GABRG3: variants seen among roughly 807,000 people sequenced by gnomAD.
The protein encoded by GABRG3 is gamma-aminobutyric acid receptor subunit gamma-3.
In GABRG3, 25 loss-of-function variants were observed where a neutral mutation model predicts 48.8. The ratio of observed to expected loss-of-function variants is 0.51; its 90% confidence interval spans 0.37 to 0.72. The LOEUF is 0.72. GABRG3 is among the 30% of genes least tolerant of loss of function. GABRG3 has a pLI of 0.00. For missense variants in GABRG3, 394 were observed against 577.9 expected, an observed-to-expected ratio of 0.68 and a Z score of 3.26; for synonymous variants, 227 against 217.6, an observed-to-expected ratio of 1.04 and a Z score of -0.38.
At chr15:27,306,487 T>C (rs1443055442) in intron 3 of GABRG3, among the ~76,000 whole-genome samples, 1 of 139,864 alleles carries the variant, frequency 7.1e-6, no homozygotes, top group African/African-American at 2.6e-5. Flanking sequence ...TAAACATATA[T>C]ATAATATAAA....
chr15:27,428,219 C>T (rs1888349127), intron 5 of GABRG3: 1 of 152,074 alleles, frequency 6.6e-6, no homozygotes, highest in Admixed American at 6.6e-5. Context: ...AGCAAATAAC[C>T]CCTTAAAATG....
At chr15:27,387,581 C>T (rs191850109) in intron 5 of GABRG3, among the ~76,000 whole-genome samples, 143 of 152,006 alleles carry the variant, frequency 9.4e-4, no homozygotes, top group African/African-American at 3.2e-3. Context: ...GGACTTGATA[C>T]ACATGTGTGA....
rs2140627801 is a variant in GABRG3 at position 26,971,193 on chromosome 15, C to G, written c.-343C>G. Reference sequence around the variant, plus strand: ...CCCCCACCTCCCAGCACAGCGCACACAGCCCCGGCCTGGGCACCCGCGCCC... The same window carrying G: ...CCCCCACCTCCCAGCACAGCGCACAGAGCCCCGGCCTGGGCACCCGCGCCC... On this transcript the variant is annotated 5_prime_UTR_variant, in exon 1 of 10. Coordinates refer to ENST00000615808, the MANE Select transcript of GABRG3 (RefSeq NM_033223.5). The G allele has an allele frequency of 6.6e-6, 1 of 151,880 alleles. No individual in the cohort carries two copies. The highest frequency in any genetic ancestry group is 2.4e-5 in the African/African-American group (1 of 41,526). 9.4% of individuals were successfully genotyped at this position (151,880 alleles called of 1,614,324 possible). A position where few individuals can be genotyped will look rare whatever the true frequency, so the allele number is the denominator to read the frequency against.
chr15:27,541,926 TG>T lies in GABRG3; in HGVS notation c.*9046del, dbSNP rs1891667700. 1 of 152,258 alleles carries T rather than the reference TG, an allele frequency of 6.6e-6. No homozygotes were observed. Among genetic ancestry groups the T allele is most frequent in the Non-Finnish European group, 1.5e-5 (1 of 68,048 alleles). 9.4% of individuals were successfully genotyped at this position (152,258 alleles called of 1,614,324 possible). The stretch of plus-strand genomic sequence containing the variant: ...TCGTGGCTGGGCCGCCCTCTGTATT[TG>T]TATTTGGATTCCTACGTTTGTACTT... On this transcript the variant is annotated 3_prime_UTR_variant, in exon 10 of 10. Coordinates refer to ENST00000615808, the MANE Select transcript of GABRG3 (RefSeq NM_033223.5).
At position 27,275,217 on chromosome 15, in the gene GABRG3, A is replaced by G. The variant is rs376727746; in HGVS notation, c.271-51592A>G. ...CAAATGTTAAGTAGATTTGCAGTCT[A>G]TGCATTTTAAAAGTCCCCAGGTTGT... On this transcript the variant is annotated intron_variant, in intron 3 of 9. Coordinates refer to ENST00000615808, the MANE Select transcript of GABRG3 (RefSeq NM_033223.5). Among the ~76,000 whole-genome samples the G allele has an allele frequency of 1.8e-4, 27 of 152,348 alleles. No individual in the cohort carries two copies. The South Asian group carries it at 5.4e-3, about 30-fold the overall frequency.
At chr15:27,150,141 G>GAAT (rs1243533851) in intron 3 of GABRG3, among the ~76,000 whole-genome samples, 1 of 152,098 alleles carries the variant, frequency 6.6e-6, no homozygotes, top group African/African-American at 2.4e-5. Flanking sequence ...TTTCTTTTGG[G>GAAT]AATAGGAAGG....
intron 3 of GABRG3, among the ~76,000 whole-genome samples, chr15:27,127,302 A>G (rs1897837949): frequency 6.6e-6 from 1 of 152,182 alleles, no homozygotes; most frequent in African/African-American, 2.4e-5. Flanking sequence ...GTGCTATAAT[A>G]TGCATGAACC....
At chr15:27,480,580 A>G in intron 5 of GABRG3, 70 bp from the exon 6 acceptor site, 1 of 1,369,536 alleles carries the variant, frequency 7.3e-7, no homozygotes, top group Non-Finnish European at 1.0e-6. Context: ...ATTGATCAGA[A>G]TTATAATTTT....
At chr15:27,480,823 G>A (rs1464847912) in intron 6 of GABRG3, 36 bp downstream of exon 6, 3 of 1,610,046 alleles carry the variant, frequency 1.9e-6, no homozygotes, top group South Asian at 2.2e-5. Context: ...GCTCTCAAAA[G>A]CCAGAGAGGC....
At position 27,147,502 on chromosome 15, in the gene GABRG3, A is replaced by G. The variant is rs551704916; in HGVS notation, c.270+120681A>G. ...GTACAACCCAATGACAGTGGAATAC[A>G]TATTCTTTTCAAGTGTATTGTAATT... On this transcript the variant is annotated intron_variant, in intron 3 of 9. Coordinates refer to ENST00000615808, the MANE Select transcript of GABRG3 (RefSeq NM_033223.5). Among the ~76,000 whole-genome samples, 117 of 152,176 alleles carry G rather than the reference A, an allele frequency of 7.7e-4. 1 individual carries two copies. Among genetic ancestry groups the G allele is most frequent in the Non-Finnish European group, 1.4e-3 (97 of 67,902 alleles).
At chr15:27,469,029 C>G (rs1889701949) in intron 5 of GABRG3, among the ~76,000 whole-genome samples, 1 of 152,164 alleles carries the variant, frequency 6.6e-6, no homozygotes, top group Admixed American at 6.5e-5. Context: ...GAAACACCTT[C>G]CAACCAACAG....
chr15:27,511,012 G>A (rs755040636), intron 6 of GABRG3, among the ~76,000 whole-genome samples: 4 of 152,118 alleles, frequency 2.6e-5, no homozygotes, highest in Non-Finnish European at 5.9e-5. Flanking sequence ...ATGATGTAGT[G>A]TGCGATAGAG....
intron 5 of GABRG3, among the ~76,000 whole-genome samples, chr15:27,444,546 GTATA>G (rs574938234): frequency 3.0e-4 from 46 of 152,226 alleles, no homozygotes; most frequent in Non-Finnish European, 5.9e-4. Context: ...CTTGAAAATA[GTATA>G]TTGTTGATTT....
At chr15:27,182,073 A>G (rs1004433189) in intron 3 of GABRG3, among the ~76,000 whole-genome samples, 6 of 152,066 alleles carry the variant, frequency 3.9e-5, no homozygotes, top group Admixed American at 2.6e-4. Context: ...GTAGAAAGCC[A>G]CAAAGTTGAT....
intron 6 of GABRG3, among the ~76,000 whole-genome samples, chr15:27,502,503 A>T (rs939596369): frequency 3.9e-5 from 6 of 152,140 alleles, no homozygotes; most frequent in Non-Finnish European, 8.8e-5. Context: ...TGAAGTGTGC[A>T]ATCAGTTCTG....
chr15:27,216,781 T>C (rs1889271275), intron 3 of GABRG3, among the ~76,000 whole-genome samples: 2 of 142,668 alleles, frequency 1.4e-5, no homozygotes, highest in Admixed American at 1.4e-4. Context: ...TTTTTTAATT[T>C]TTTTTTTTAT....
At chr15:27,424,110 A>T (rs145805117) in intron 5 of GABRG3, among the ~76,000 whole-genome samples, 10 of 152,146 alleles carry the variant, frequency 6.6e-5, no homozygotes, top group Non-Finnish European at 1.2e-4. Flanking sequence ...AAACTCTTGG[A>T]ATGTCCTGCT....
At chr15:27,146,761 G>A (rs1898217092) in intron 3 of GABRG3, among the ~76,000 whole-genome samples, 1 of 151,914 alleles carries the variant, frequency 6.6e-6, no homozygotes, top group Non-Finnish European at 1.5e-5. Context: ...GTAATTCCTA[G>A]GGTAGCAACT....
intron 3 of GABRG3, among the ~76,000 whole-genome samples, chr15:27,108,291 CTT>C (rs1324045541): frequency 4.6e-5 from 7 of 152,048 alleles, no homozygotes; most frequent in African/African-American, 1.7e-4. Flanking sequence ...CCTCCTGAGA[CTT>C]TTTCTGTGAT....
Sources: allele counts gnomAD v4.1 joint callset (sites outside exome capture counted in the v4.1 genomes callset), GRCh38; gene constraint gnomAD v4.1.1; transcripts MANE v1.5; gene names NCBI Gene and HGNC (gene_info 2026-07-23, HGNC 2026-07-21).